Variants in PTPRG observed in about 807,000 individuals in gnomAD.
The protein encoded by PTPRG is protein tyrosine phosphatase receptor type G.
A neutral mutation model predicts 165.3 loss-of-function variants in PTPRG; 102 were observed. The observed-to-expected ratio is 0.62, with a 90% confidence interval of 0.53 to 0.73. PTPRG has a LOEUF of 0.73. Ranked by LOEUF, PTPRG falls within the 30% of genes least tolerant of loss-of-function variation. The probability of loss-of-function intolerance (pLI) is 0.00; values close to 1 mark genes in which losing one functional copy is unlikely to be tolerated. For missense variants in PTPRG, 1,866 were observed against 1,861.4 expected, an observed-to-expected ratio of 1.00 and a Z score of -0.05; for synonymous variants, 675 against 669.5, an observed-to-expected ratio of 1.01 and a Z score of -0.13.
At chr3:61,731,428 A>C (rs1306363974) in intron 1 of PTPRG, among the ~76,000 whole-genome samples, 1 of 148,980 alleles carries the variant, frequency 6.7e-6, no homozygotes, top group Non-Finnish European at 1.5e-5. Flanking sequence ...TGCTCACTGC[A>C]ACCTCCGCCT....
chr3:61,645,052 C>T (rs962814150), intron 1 of PTPRG, among the ~76,000 whole-genome samples: 1 of 152,048 alleles, frequency 6.6e-6, no homozygotes, highest in East Asian at 1.9e-4. Flanking sequence ...CCTTCTCCCA[C>T]TAAGAACATT....
At chr3:61,924,132 T>C (rs1433796847) in intron 2 of PTPRG, among the ~76,000 whole-genome samples, 1 of 152,232 alleles carries the variant, frequency 6.6e-6, no homozygotes, top group African/African-American at 2.4e-5. Context: ...GGGCTCACTT[T>C]CCTTTCCTCA....
At chr3:61,764,362 G>A (rs1238146199) in intron 2 of PTPRG, among the ~76,000 whole-genome samples, 2 of 152,158 alleles carry the variant, frequency 1.3e-5, no homozygotes, top group Non-Finnish European at 2.9e-5. Flanking sequence ...TGTTTATCAA[G>A]CACAAGCCAG....
intron 1 of PTPRG, among the ~76,000 whole-genome samples, chr3:61,565,267 T>G (rs761793339): frequency 6.6e-6 from 1 of 152,204 alleles, no homozygotes; most frequent in Non-Finnish European, 1.5e-5. Flanking sequence ...GGGTTAATAA[T>G]GCTTCAAGTG....
chr3:61,798,619 G>T (rs1258046590), intron 2 of PTPRG, among the ~76,000 whole-genome samples: 39 of 128,134 alleles, frequency 3.0e-4, no homozygotes, highest in Non-Finnish European at 4.7e-4. Context: ...GTTGCTGCTG[G>T]TTTTTTTTTT....
At chr3:61,655,203 A>AC (rs1575567444) in intron 1 of PTPRG, among the ~76,000 whole-genome samples, 1 of 152,258 alleles carries the variant, frequency 6.6e-6, no homozygotes. Flanking sequence ...CCAGAGTTGT[A>AC]CAAGGGCACA....
At chr3:61,721,500 T>G (rs2032041485) in intron 1 of PTPRG, among the ~76,000 whole-genome samples, 2 of 152,198 alleles carry the variant, frequency 1.3e-5, no homozygotes. Flanking sequence ...TTTTCTAACT[T>G]GCACAAAGTC....
intron 2 of PTPRG, among the ~76,000 whole-genome samples, chr3:61,800,019 C>T (rs113711594): frequency 4.6e-5 from 7 of 152,174 alleles, no homozygotes; most frequent in Admixed American, 1.3e-4. Context: ...AATTTAAACT[C>T]TCTCTGCCTC....
At chr3:61,811,143 C>T (rs896833830) in intron 2 of PTPRG, among the ~76,000 whole-genome samples, 1 of 152,118 alleles carries the variant, frequency 6.6e-6, no homozygotes, top group Non-Finnish European at 1.5e-5. Flanking sequence ...TCTGGCTGAA[C>T]TTTGGGCTGG....
chr3:61,761,699 C>T (rs1050044322), intron 2 of PTPRG, among the ~76,000 whole-genome samples: 1 of 152,156 alleles, frequency 6.6e-6, no homozygotes, highest in African/African-American at 2.4e-5. Flanking sequence ...TGAGAGTTTC[C>T]TTGGACACGG....
chr3:61,676,153 T>A (rs1178967065), intron 1 of PTPRG, among the ~76,000 whole-genome samples: 1 of 152,152 alleles, frequency 6.6e-6, no homozygotes, highest in Non-Finnish European at 1.5e-5. Flanking sequence ...GAAAAATCTT[T>A]GTTTAGAAAG....
At chr3:61,736,869 T>C (rs2032742898) in intron 1 of PTPRG, among the ~76,000 whole-genome samples, 1 of 152,226 alleles carries the variant, frequency 6.6e-6, no homozygotes, top group African/African-American at 2.4e-5. Flanking sequence ...TCTGTAATTA[T>C]ACTAAAAACC....
intron 4 of PTPRG, among the ~76,000 whole-genome samples, chr3:62,034,165 A>G (rs1699866455): frequency 6.6e-6 from 1 of 152,216 alleles, no homozygotes; most frequent in Non-Finnish European, 1.5e-5. Flanking sequence ...CTCAAGTTCA[A>G]AGTCAGCCCT....
rs371385944 is a variant in PTPRG, at chr3:61,576,521, G to A, written c.85+14149G>A. On this transcript the variant is annotated intron_variant, in intron 1 of 29. Transcript: ENST00000474889. ...GCCAATGGTCCCCATTCCCATAGCT[G>A]TGGTAGATGTTGCTAATTGATCACA... Among the ~76,000 whole-genome samples, 13 of 152,320 alleles carry A rather than the reference G, an allele frequency of 8.5e-5. 1 individual carries two copies. Among genetic ancestry groups the A allele is most frequent in the African/African-American group, 1.9e-4 (8 of 41,582 alleles).
At chr3:61,986,730 G>C (rs1275263592) in intron 2 of PTPRG, among the ~76,000 whole-genome samples, 1 of 152,134 alleles carries the variant, frequency 6.6e-6, no homozygotes, top group East Asian at 1.9e-4. Context: ...CCACTCAGAA[G>C]GATCTTGCTG....
chr3:61,849,432 G>C (rs1365627002), intron 2 of PTPRG, among the ~76,000 whole-genome samples: 1 of 152,140 alleles, frequency 6.6e-6, no homozygotes, highest in Non-Finnish European at 1.5e-5. Flanking sequence ...TGATGAAAAA[G>C]AGTGCTATAG....
rs61198100 is a variant in PTPRG at position 61,681,054 on chromosome 3, TA to T, written c.86-67801del. Among the ~76,000 whole-genome samples the T allele has an allele frequency of 6.6e-3, 439 of 66,098 alleles. 1 individual carries two copies. The highest frequency in any genetic ancestry group is 0.023 in the African/African-American group (414 of 18,386). The allele number at this position is 66,098 out of a possible 152,430, so 43.4% of individuals were successfully genotyped here. Reference sequence around the variant, plus strand: ...GAGTTAATCTTATATCTTTATGTTCTAAAAAAAAAAAAAAAAAAAAAAAGAA... The same window carrying T: ...GAGTTAATCTTATATCTTTATGTTCTAAAAAAAAAAAAAAAAAAAAAAGAA... On this transcript the variant is annotated intron_variant, in intron 1 of 29. Transcript: ENST00000474889.
chr3:61,834,508 G>A (rs1422877719), intron 2 of PTPRG, among the ~76,000 whole-genome samples: 1 of 152,038 alleles, frequency 6.6e-6, no homozygotes, highest in Non-Finnish European at 1.5e-5. Context: ...CTAGCCTAGT[G>A]AGATCCTTTT....
At chr3:61,689,654 T>C (rs921573492) in intron 1 of PTPRG, among the ~76,000 whole-genome samples, 2 of 152,162 alleles carry the variant, frequency 1.3e-5, no homozygotes, top group African/African-American at 4.8e-5. Context: ...ATCAGATCTT[T>C]TTCTCTCAGG....
Sources: gnomAD v4.1 joint callset for allele counts (sites outside exome capture counted in the v4.1 genomes callset) on GRCh38, gnomAD v4.1.1 for gene constraint, MANE v1.5 for transcripts, NCBI Gene and HGNC (gene_info 2026-07-23, HGNC 2026-07-21) for gene names.